Variants in SLFN12L observed in about 807,000 individuals in gnomAD.
SLFN12L encodes schlafen family member 12-like.
In SLFN12L, 34 loss-of-function variants were observed where a neutral mutation model predicts 34.8. That is an observed-to-expected ratio of 0.98 (90% CI 0.74 to 1.30). SLFN12L has a LOEUF of 1.30. SLFN12L is among the 50% of genes most tolerant of loss of function. SLFN12L has a pLI of 0.00. For synonymous variants in SLFN12L, 259 were observed against 247.5 expected (o/e 1.05, Z -0.44); for missense variants, 703 against 696.2 (o/e 1.01, Z -0.11).
rs772721227 is a variant in SLFN12L at position 35,479,498 on chromosome 17, CT to C, written c.783del (p.Glu262ArgfsTer22). ...FSTEKLLQRI[T>X]EILPQYVSAF... is the part of the protein sequence containing the mutation. ...GCAGAAACATATTGAGGGAGAATCT[CT>C]GTAATTCGTTGTAACAACTTTTCAG... On this transcript the variant is annotated frameshift_variant, in exon 3 of 5. Transcript: ENST00000628453. LOFTEE classifies it high-confidence loss of function. 28 of 1,614,084 alleles carry C rather than the reference CT, an allele frequency of 1.7e-5. No individual in the cohort carries two copies. The highest frequency in any genetic ancestry group is 2.4e-5 in the Non-Finnish European group (28 of 1,180,034).
intron 2 of SLFN12L, among the ~76,000 whole-genome samples, chr17:35,484,119 G>C (rs1000688118): frequency 6.6e-6 from 1 of 152,098 alleles, no homozygotes; most frequent in Non-Finnish European, 1.5e-5. Context: ...CATGTGATTT[G>C]GGGACTCTGT....
At chr17:35,508,354 C>T (rs1427655169) in intron 2 of SLFN12L, among the ~76,000 whole-genome samples, 3 of 152,162 alleles carry the variant, frequency 2.0e-5, no homozygotes, top group Non-Finnish European at 4.4e-5. Flanking sequence ...GTCTGCAGCT[C>T]ATCCTGCTAC....
At chr17:35,508,255 G>C (rs143291135) in intron 2 of SLFN12L, among the ~76,000 whole-genome samples, 1 of 152,174 alleles carries the variant, frequency 6.6e-6, no homozygotes, top group South Asian at 2.1e-4. Context: ...TTGCTCACTC[G>C]GGGAGCTCAG....
intron 1 of SLFN12L, among the ~76,000 whole-genome samples, chr17:35,529,648 AAC>A (rs746505653): frequency 6.6e-6 from 1 of 151,944 alleles, no homozygotes; most frequent in Non-Finnish European, 1.5e-5. Flanking sequence ...GAACAATGAG[AAC>A]ACACGGACAC....
Position 35,467,541 on chromosome 17 carries a change from G to T in SLFN12L, c.*7382C>A, listed in dbSNP as rs1465716756. ...CAATAAAACTTTCATGACCCTAATAGGTCCCAAATAGCCAGTTTAACAGAG... is the reference window on the plus strand; with the variant it reads ...CAATAAAACTTTCATGACCCTAATATGTCCCAAATAGCCAGTTTAACAGAG... On this transcript the variant is annotated 3_prime_UTR_variant, in exon 5 of 5. Transcript: ENST00000628453. 6.6e-6 allele frequency among the ~76,000 whole-genome samples: 1 copy of T among 152,158 alleles called. No individual in the cohort carries two copies.
chr17:35,493,445 C>CCT (rs1914921646), intron 2 of SLFN12L, among the ~76,000 whole-genome samples: 1 of 152,202 alleles, frequency 6.6e-6, no homozygotes, highest in African/African-American at 2.4e-5. Flanking sequence ...AAAGACTGAG[C>CCT]TCACCTGGCT....
At chr17:35,483,110 C>T (rs887197993) in intron 2 of SLFN12L, among the ~76,000 whole-genome samples, 1 of 152,068 alleles carries the variant, frequency 6.6e-6, no homozygotes, top group East Asian at 1.9e-4. Context: ...CAGAGAGAAG[C>T]AACGGTCCCC....
At chr17:35,523,928 T>C (rs916669223) in intron 1 of SLFN12L, among the ~76,000 whole-genome samples, 2 of 151,768 alleles carry the variant, frequency 1.3e-5, no homozygotes, top group Non-Finnish European at 2.9e-5. Context: ...GAGTCAGAAC[T>C]TGTCTTAAAA....
intron 2 of SLFN12L, among the ~76,000 whole-genome samples, chr17:35,509,236 G>A (rs954766693): frequency 2.7e-4 from 41 of 152,198 alleles, no homozygotes; most frequent in African/African-American, 9.7e-4. Context: ...GGGAGAGGAA[G>A]CACCAAGGGT....
intron 1 of SLFN12L, among the ~76,000 whole-genome samples, chr17:35,525,845 T>G (rs963031790): frequency 2.6e-5 from 4 of 152,128 alleles, no homozygotes; most frequent in Admixed American, 6.6e-5. Flanking sequence ...AGGATCAAAT[T>G]CACACATAAC....
rs966981903 is a variant in SLFN12L, at chr17:35,469,364, T to C, written c.*5559A>G. Among the ~76,000 whole-genome samples the C allele has an allele frequency of 6.8e-6, 1 of 146,758 alleles. No homozygotes were observed. The highest frequency in any genetic ancestry group is 1.5e-5 in the Non-Finnish European group (1 of 66,984). ...ATATATATATATATGTATTTCAAAC[T>C]TTTAACCCACTTTAAAACTCCACCA... On this transcript the variant is annotated 3_prime_UTR_variant, in exon 5 of 5. Transcript: ENST00000628453.
chr17:35,492,892 C>T (rs1462660441), intron 2 of SLFN12L, among the ~76,000 whole-genome samples: 1 of 151,968 alleles, frequency 6.6e-6, no homozygotes, highest in African/African-American at 2.4e-5. Context: ...ATGTGCCTGA[C>T]CCAATGGTAG....
intron 1 of SLFN12L, among the ~76,000 whole-genome samples, chr17:35,528,050 T>C (rs888347012): frequency 6.6e-6 from 1 of 152,190 alleles, no homozygotes; most frequent in South Asian, 2.1e-4. Context: ...AGCATTCCTA[T>C]GCACCGATAA....
chr17:35,501,060 G>C (rs1216817256), intron 2 of SLFN12L, among the ~76,000 whole-genome samples: 2 of 152,190 alleles, frequency 1.3e-5, no homozygotes, highest in Non-Finnish European at 2.9e-5. Flanking sequence ...TCTGTGTCTT[G>C]TCCTACTACA....
At chr17:35,503,199 T>C (rs1475015004) in intron 2 of SLFN12L, among the ~76,000 whole-genome samples, 1 of 152,178 alleles carries the variant, frequency 6.6e-6, no homozygotes, top group African/African-American at 2.4e-5. Flanking sequence ...AAAAAAATGT[T>C]TTAAAGGTTT....
chr17:35,504,829 C>T (rs1441681948), intron 2 of SLFN12L, among the ~76,000 whole-genome samples: 1 of 152,232 alleles, frequency 6.6e-6, no homozygotes, highest in African/African-American at 2.4e-5. Context: ...GCTTATCAAT[C>T]AGTCAGCCCT....
intron 1 of SLFN12L, among the ~76,000 whole-genome samples, chr17:35,530,605 A>T (rs932575852): frequency 6.6e-6 from 1 of 152,126 alleles, no homozygotes; most frequent in African/African-American, 2.4e-5. Flanking sequence ...TCTTATGTAG[A>T]TAGTGGGGGA....
chr17:35,500,537 G>A (rs916481728), intron 2 of SLFN12L: 1 of 152,240 alleles, frequency 6.6e-6, no homozygotes, highest in African/African-American at 2.4e-5. Flanking sequence ...AGACCATCCT[G>A]GTTAACATGG....
At chr17:35,512,359 ATTTTTTT>A (rs35126425) in intron 2 of SLFN12L, among the ~76,000 whole-genome samples, 15 of 53,866 alleles carry the variant, frequency 2.8e-4, no homozygotes, top group East Asian at 7.0e-4. Context: ...AAAAGAGCTG[ATTTTTTT>A]TTTTTTTTTT....
Sources: gnomAD v4.1 joint callset for allele counts (sites outside exome capture counted in the v4.1 genomes callset) on GRCh38, gnomAD v4.1.1 for gene constraint, MANE v1.5 for transcripts, NCBI Gene and HGNC (gene_info 2026-07-23, HGNC 2026-07-21) for gene names.